ANKFN1: variants seen among roughly 807,000 people sequenced by gnomAD.
ANKFN1 encodes ankyrin repeat and fibronectin type-III domain-containing protein 1.
A neutral mutation model predicts 108.7 loss-of-function variants in ANKFN1; 74 were observed. The ratio of observed to expected loss-of-function variants is 0.68; its 90% CI spans 0.56 to 0.83. The LOEUF is 0.83. Ranked by LOEUF, ANKFN1 falls within the 40% of genes least tolerant of loss-of-function variation. The pLI, the probability that ANKFN1 is intolerant of heterozygous loss-of-function variation, is 0.00. For synonymous variants in ANKFN1, 547 were observed against 516.2 expected, an observed-to-expected ratio of 1.06 and a Z score of -0.81; for missense variants, 1,505 against 1,382.3, an observed-to-expected ratio of 1.09 and a Z score of -1.41.
At chr17:56,140,599 C>A (rs985865023) in intron 4 of ANKFN1, among the ~76,000 whole-genome samples, 5 of 152,154 alleles carry the variant, frequency 3.3e-5, no homozygotes, top group Admixed American at 2.0e-4. Flanking sequence ...AGCTGGATGA[C>A]CTTGGGCAAC....
intron 1 of ANKFN1, among the ~76,000 whole-genome samples, chr17:56,168,570 T>C (rs1910367692): frequency 6.6e-6 from 1 of 152,258 alleles, no homozygotes. Flanking sequence ...TTTGTGGTTA[T>C]AATCAATTGC....
chr17:56,171,676 G>A (rs1433960653), intron 1 of ANKFN1, among the ~76,000 whole-genome samples: 1 of 152,154 alleles, frequency 6.6e-6, no homozygotes, highest in Non-Finnish European at 1.5e-5. Flanking sequence ...TCTGAGAAGA[G>A]GCCAATTCTC....
intron 3 of ANKFN1, among the ~76,000 whole-genome samples, chr17:56,264,428 G>T (rs911170755): frequency 1.3e-5 from 2 of 152,140 alleles, no homozygotes; most frequent in Non-Finnish European, 1.5e-5. Context: ...CAGGATTCTC[G>T]CTATTTTTCA....
intron 8 of ANKFN1, among the ~76,000 whole-genome samples, chr17:56,375,770 C>T (rs984221086): frequency 6.6e-6 from 1 of 152,162 alleles, no homozygotes; most frequent in Non-Finnish European, 1.5e-5. Flanking sequence ...ACAGCTAATG[C>T]TTACGTAGCA....
At chr17:56,389,622 TGG>T in intron 8 of ANKFN1, among the ~76,000 whole-genome samples, 1 of 152,312 alleles carries the variant, frequency 6.6e-6, no homozygotes, top group African/African-American at 2.4e-5. Context: ...GAAGTGTATC[TGG>T]TATTTCAAAA....
At chr17:56,065,485 C>T (rs772625724) in intron 4 of ANKFN1, among the ~76,000 whole-genome samples, 1 of 152,196 alleles carries the variant, frequency 6.6e-6, no homozygotes, top group Non-Finnish European at 1.5e-5. Context: ...TGGCCTATCT[C>T]AGCCTCTGAG....
intron 1 of ANKFN1, among the ~76,000 whole-genome samples, chr17:56,199,659 A>G (rs1913865982): frequency 2.0e-5 from 3 of 152,084 alleles, no homozygotes; most frequent in Non-Finnish European, 2.9e-5. Context: ...CACTCACCCC[A>G]TGAACTTCAT....
chr17:56,338,140 A>T (rs1299132700), intron 4 of ANKFN1, among the ~76,000 whole-genome samples: 2 of 152,218 alleles, frequency 1.3e-5, no homozygotes, highest in African/African-American at 2.4e-5. Context: ...GTATGATTTC[A>T]TGTCCTTTGC....
In ANKFN1 at chr17:56,159,009, C is replaced by A. The variant is rs573693557; in HGVS notation, c.-71+5479C>A. Among the ~76,000 whole-genome samples the A allele has an allele frequency of 7.6e-4, 102 of 133,756 alleles. 1 individual carries two copies. The highest frequency in any genetic ancestry group is 1.4e-3 in the Non-Finnish European group (93 of 64,678). The allele number at this position is 133,756 out of a possible 152,430, so 87.7% of individuals were successfully genotyped here. A position where few individuals can be genotyped will look rare whatever the true frequency, so the allele number is the denominator to read the frequency against. ...CATTCTTATTGATAGAAAATATTTA[C>A]CACCATCTAGGAATGGTCTAGGCCA... is the stretch of plus-strand genomic sequence containing the variant. On this transcript the variant is annotated intron_variant, in intron 1 of 20. Transcript: ENST00000682825.
At chr17:56,177,065 G>A (rs1051787493) in intron 1 of ANKFN1, among the ~76,000 whole-genome samples, 5 of 152,206 alleles carry the variant, frequency 3.3e-5, no homozygotes, top group Admixed American at 3.3e-4. Flanking sequence ...TAGAATCGTA[G>A]GGATTTCCCC....
chr17:56,259,229 G>A (rs898968293), intron 3 of ANKFN1, among the ~76,000 whole-genome samples: 5 of 152,162 alleles, frequency 3.3e-5, no homozygotes, highest in African/African-American at 1.2e-4. Flanking sequence ...TAGTCACCAT[G>A]CTAGGCTGCC....
intron 1 of ANKFN1, among the ~76,000 whole-genome samples, chr17:56,184,074 AACTT>A (rs1357047121): frequency 2.0e-5 from 3 of 152,316 alleles, no homozygotes; most frequent in African/African-American, 7.2e-5. Context: ...AAATTACAAA[AACTT>A]ACTTGAGAAA....
rs1472312500 is a variant in ANKFN1 at position 56,512,619 on chromosome 17, G to A, written c.*1350G>A. 1.3e-5 allele frequency among the ~76,000 whole-genome samples: 2 copies of A among 152,146 alleles called. No individual in the cohort carries two copies. The highest frequency in any genetic ancestry group is 2.9e-5 in the Non-Finnish European group (2 of 68,022). ...GGAGCCAAGACCCATTCACTTCACT[G>A]ACATTCTAAATGATCCTTTTCTGCT... On this transcript the variant is annotated 3_prime_UTR_variant, in exon 21 of 21. Coordinates refer to ENST00000682825, the MANE Select transcript of ANKFN1 (RefSeq NM_001370326.1).
intron 4 of ANKFN1, among the ~76,000 whole-genome samples, chr17:56,349,235 G>A (rs1327389680): frequency 3.9e-5 from 6 of 152,184 alleles, no homozygotes; most frequent in Admixed American, 1.3e-4. Flanking sequence ...CAGTGAGTGC[G>A]GGCTGGGAAG....
intron 1 of ANKFN1, among the ~76,000 whole-genome samples, chr17:56,197,407 G>A (rs1913620874): frequency 6.6e-6 from 1 of 152,080 alleles, no homozygotes; most frequent in African/African-American, 2.4e-5. Flanking sequence ...GGTCTTGTAT[G>A]TGGGAATAAT....
chr17:56,407,814 T>A (rs1324907334), intron 8 of ANKFN1, among the ~76,000 whole-genome samples: 1 of 152,064 alleles, frequency 6.6e-6, no homozygotes, highest in Non-Finnish European at 1.5e-5. Flanking sequence ...TAAGTTTCAA[T>A]AAAATTTCTT....
intron 3 of ANKFN1, among the ~76,000 whole-genome samples, chr17:56,324,192 A>G (rs2045451885): frequency 6.6e-6 from 1 of 152,192 alleles, no homozygotes; most frequent in African/African-American, 2.4e-5. Flanking sequence ...GGCTAGAGAG[A>G]TAGGAAGAGC....
At chr17:56,126,692 G>C (rs542633466) in intron 4 of ANKFN1, among the ~76,000 whole-genome samples, 1 of 152,302 alleles carries the variant, frequency 6.6e-6, no homozygotes, top group African/African-American at 2.4e-5. Context: ...CAGATGATTT[G>C]TAAGGCTCTC....
intron 4 of ANKFN1, among the ~76,000 whole-genome samples, chr17:56,081,445 A>G (rs1905244975): frequency 2.0e-5 from 3 of 152,052 alleles, no homozygotes; most frequent in African/African-American, 7.2e-5. Flanking sequence ...CTCCACCTCA[A>G]GGGTTCAAGC....
Sources: gnomAD v4.1 joint callset for allele counts (sites outside exome capture counted in the v4.1 genomes callset) on GRCh38, gnomAD v4.1.1 for gene constraint, MANE v1.5 for transcripts, NCBI Gene and HGNC (gene_info 2026-07-23, HGNC 2026-07-21) for gene names.